The following ZFP82 variants were observed in gnomAD, a reference collection of about 807,000 sequenced individuals.
The protein encoded by ZFP82 is ZFP82 zinc finger protein, also known as zinc finger protein 82 homolog.
In ZFP82, 30 loss-of-function variants were observed where a neutral mutation model predicts 54.0. The observed-to-expected ratio is 0.56, with a 90% CI of 0.42 to 0.75. ZFP82 has a LOEUF of 0.75. Among genes scored for constraint, ZFP82 ranks in the 30% least tolerant of loss-of-function variants. ZFP82 has a pLI of 0.00. For synonymous variants in ZFP82, 194 were observed against 209.5 expected (o/e 0.93, Z 0.64); for missense variants, 500 against 636.8 (o/e 0.79, Z 2.31).
intron 1 of ZFP82, among the ~76,000 whole-genome samples, chr19:36,410,453 A>ATG (rs1302873440): frequency 9.0e-6 from 1 of 111,308 alleles, no homozygotes; most frequent in African/African-American, 3.3e-5. Context: ...GTGTGTGTAT[A>ATG]TGTGTGTGTA....
At chr19:36,396,736 G>A (rs116759741) in intron 4 of ZFP82, among the ~76,000 whole-genome samples, 1,839 of 152,008 alleles carry the variant, frequency 0.012, 30 homozygotes, top group African/African-American at 0.042. Flanking sequence ...AGCTACTTGG[G>A]AGACTAAGGT....
At chr19:36,386,284 G>A (rs1304073457), downstream of ZFP82, among the ~76,000 whole-genome samples, 1 of 152,266 alleles carries the variant, frequency 6.6e-6, no homozygotes, top group African/African-American at 2.4e-5. Context: ...GTAAGCTTGT[G>A]GTGGCAGCAT....
chr19:36,409,675 G>C, intron 2 of ZFP82, 106 bp downstream of exon 2: 2 of 1,223,416 alleles, frequency 1.6e-6, no homozygotes, highest in Non-Finnish European at 2.4e-6. Context: ...GGAAGAACTG[G>C]AAGAAGGTTC....
chr19:36,383,541 T>A (rs2032083237), exon 2 of ZFP82: 1 of 152,162 alleles, frequency 6.6e-6, no homozygotes, highest in Non-Finnish European at 1.5e-5. Flanking sequence ...GGTATCACCA[T>A]GAATACTAAA....
chr19:36,397,053 G>T (rs2032307042), intron 4 of ZFP82, among the ~76,000 whole-genome samples: 1 of 150,574 alleles, frequency 6.6e-6, no homozygotes, highest in Non-Finnish European at 1.5e-5. Flanking sequence ...AGCAGAATTA[G>T]TTAGAATACA....
chr19:36,387,893 C>T (rs2032133663), downstream of ZFP82, among the ~76,000 whole-genome samples: 2 of 152,212 alleles, frequency 1.3e-5, no homozygotes, highest in Admixed American at 6.5e-5. Flanking sequence ...GGATTCCAGG[C>T]GTGAGCCATC....
rs144940548 is a variant in ZFP82, at chr19:36,393,140, C to A, written c.1200G>T (p.Trp400Cys). 1 of 1,613,560 alleles carries A rather than the reference C, an allele frequency of 6.2e-7. No individual in the cohort carries two copies. The highest frequency in any genetic ancestry group is 8.5e-7 in the Non-Finnish European group (1 of 1,179,924). ...GEKPYECKEC[W>C]KAFSRYSQLI... Reference sequence around the variant, plus strand: ...GTTGTGAGTAGCGACTAAAGGCTTTCCAGCATTCCTTACATTCGTAAGGTT... The same window carrying A: ...GTTGTGAGTAGCGACTAAAGGCTTTACAGCATTCCTTACATTCGTAAGGTT... Residue 400 changes from tryptophan to cysteine, a missense_variant, in exon 5 of 5, where the codon TGG becomes TGT. By Grantham distance (215) the Trp-to-Cys change is radical (BLOSUM62 -2). Transcript: ENST00000392161.
chr19:36,397,654 C>A (rs377696796), intron 4 of ZFP82, among the ~76,000 whole-genome samples: 1 of 151,880 alleles, frequency 6.6e-6, no homozygotes, highest in Non-Finnish European at 1.5e-5. Context: ...TGCACCTCCA[C>A]CCGCTGGCCC....
At chr19:36,412,095 A>AGTGT (rs67016146) in intron 1 of ZFP82, among the ~76,000 whole-genome samples, 10 of 150,938 alleles carry the variant, frequency 6.6e-5, no homozygotes, top group African/African-American at 2.2e-4. Context: ...AGAGAGAGAG[A>AGTGT]GTGTGCGTGT....
chr19:36,402,999 C>T (rs1227637349), intron 4 of ZFP82, among the ~76,000 whole-genome samples: 2 of 151,856 alleles, frequency 1.3e-5, no homozygotes, highest in Non-Finnish European at 2.9e-5. Context: ...AAAAATTAGC[C>T]GGGCGTGGTG....
At position 36,389,142 on chromosome 19, in the gene ZFP82, C is replaced by T. The variant is rs777247197; in HGVS notation, c.*3599G>A. Among the ~76,000 whole-genome samples, 2 of 151,480 alleles carry T rather than the reference C, an allele frequency of 1.3e-5. No individual in the cohort carries two copies. The highest frequency in any genetic ancestry group is 4.9e-5 in the African/African-American group (2 of 41,198). ...GCAACCTCCGCCTCCTGGGTTCAAG[C>T]GATTTTCCTGCCTCAGCCTCCCGAG... On this transcript the variant is annotated 3_prime_UTR_variant, in exon 5 of 5. Transcript: ENST00000392161.
chr19:36,387,055 T>C (rs1178155903), downstream of ZFP82, among the ~76,000 whole-genome samples: 1 of 152,236 alleles, frequency 6.6e-6, no homozygotes, highest in South Asian at 2.1e-4. Context: ...TGTCCCACTG[T>C]TGTGTTTTGG....
chr19:36,404,288 C>T (rs1215437261), intron 4 of ZFP82, among the ~76,000 whole-genome samples: 1 of 152,172 alleles, frequency 6.6e-6, no homozygotes, highest in Non-Finnish European at 1.5e-5. Context: ...CTGGTCATGA[C>T]CCATTTGCTT....
At chr19:36,401,485 T>C (rs2032383794) in intron 4 of ZFP82, among the ~76,000 whole-genome samples, 1 of 152,200 alleles carries the variant, frequency 6.6e-6, no homozygotes, top group Non-Finnish European at 1.5e-5. Flanking sequence ...CCTTCCCACT[T>C]AGTTCACTTA....
At position 36,393,279 on chromosome 19, in the gene ZFP82, G is replaced by A; in HGVS notation, c.1061C>T (p.Thr354Ile). ...GKAFRVRQQLTLHQRIHTGEK... is the reference protein window; with the variant it reads ...GKAFRVRQQLILHQRIHTGEK... Reference sequence around the variant, plus strand: ...ACCAGTATGAATTCTCTGATGGAGTGTTAGTTGTTGTCGCACTCTAAAGGC... The same window carrying A: ...ACCAGTATGAATTCTCTGATGGAGTATTAGTTGTTGTCGCACTCTAAAGGC... Residue 354 changes from threonine (T) to isoleucine (I), a missense_variant, in exon 5 of 5, where the codon ACA becomes ATA. Transcript: ENST00000392161. The A allele has an allele frequency of 6.2e-7, 1 of 1,613,642 alleles. No individual in the cohort carries two copies. Among genetic ancestry groups the A allele is most frequent in the Non-Finnish European group, 8.5e-7 (1 of 1,179,922 alleles).
At chr19:36,396,209 T>C (rs2032290677) in intron 4 of ZFP82, 2 of 152,142 alleles carry the variant, frequency 1.3e-5, no homozygotes, top group African/African-American at 4.8e-5. Flanking sequence ...CCTGGCTGTA[T>C]TTTTGTTTTT....
Position 36,418,617 on chromosome 19 carries a change from C to A in ZFP82, c.-204G>T, listed in dbSNP as rs961700438. On this transcript the variant is annotated 5_prime_UTR_variant, in exon 1 of 5. Coordinates refer to ENST00000392161, the MANE Select transcript of ZFP82 (RefSeq NM_133466.4). ...GATGCCCGAACGGAGGAAGCCGCTGCCGGGTCACGCCACAATCCCCGGGGC... is the reference window on the plus strand; with the variant it reads ...GATGCCCGAACGGAGGAAGCCGCTGACGGGTCACGCCACAATCCCCGGGGC... 3 of 152,340 alleles carry A rather than the reference C, an allele frequency of 2.0e-5. No homozygotes were observed. The highest frequency in any genetic ancestry group is 7.2e-5 in the African/African-American group (3 of 41,454). 9.4% of individuals were successfully genotyped at this position (152,340 alleles called of 1,614,324 possible).
Position 36,393,602 on chromosome 19 carries a change from T to C in ZFP82, c.738A>G (p.Lys246=). The C allele has an allele frequency of 6.2e-7, 1 of 1,614,152 alleles. No homozygotes were observed. Among genetic ancestry groups the C allele is most frequent in the Non-Finnish European group, 8.5e-7 (1 of 1,180,028 alleles). Residue 246 remains lysine, a synonymous_variant, in exon 5 of 5, where the codon AAA becomes AAG. Transcript: ENST00000392161. ...ICGADLRVHQ[K]MHIGEKPYEC... Reference sequence around the variant, plus strand: ...CATAGGGCTTCTCACCAATATGCATTTTCTGATGTACTCTAAGATCTGCAC... The same window carrying C: ...CATAGGGCTTCTCACCAATATGCATCTTCTGATGTACTCTAAGATCTGCAC...
Position 36,405,597 on chromosome 19 carries a change from C to A in ZFP82, c.212G>T (p.Gly71Val). The A allele has an allele frequency of 1.2e-6, 2 of 1,610,966 alleles. No homozygotes were observed. The highest frequency in any genetic ancestry group is 8.5e-7 in the Non-Finnish European group (1 of 1,177,776). The change falls in exon 4 of 5, where the codon GGA becomes GTA. Residue 71 changes from glycine to valine, a missense_variant. Physicochemically the swap from Gly to Val is moderately radical, Grantham distance 109. Transcript: ENST00000392161. ...GKEPWKVVRKGRRQYPDLETK... is the reference protein window; with the variant it reads ...GKEPWKVVRKVRRQYPDLETK... ...GCCCTCACCTGGATATTGTCTTCTT[C>A]CTTTCCTCACAACTTTCCAAGGCTC... is the stretch of plus-strand genomic sequence containing the variant.
Sources: gnomAD v4.1 joint callset for allele counts (sites outside exome capture counted in the v4.1 genomes callset) on GRCh38, gnomAD v4.1.1 for gene constraint, MANE v1.5 for transcripts, NCBI Gene and HGNC (gene_info 2026-07-23, HGNC 2026-07-21) for gene names.